NRG3: variants seen among roughly 807,000 people sequenced by gnomAD.
The protein encoded by NRG3 is pro-neuregulin-3, membrane-bound isoform.
Under a neutral mutation model 66.9 loss-of-function variants are expected in NRG3, and 31 were observed. The observed-to-expected ratio is 0.46, with a 90% CI of 0.35 to 0.63. The LOEUF (loss-of-function observed/expected upper bound fraction) is 0.63, where lower values mean the gene tolerates loss of function less well. Among genes scored for constraint, NRG3 ranks in the 20% least tolerant of loss-of-function variants. The pLI, the probability that NRG3 is intolerant of heterozygous loss-of-function variation, is 0.00. For synonymous variants in NRG3, 393 were observed against 359.4 expected, an observed-to-expected ratio of 1.09 and a Z score of -1.06; for missense variants, 910 against 878.9, an observed-to-expected ratio of 1.04 and a Z score of -0.45.
At chr10:82,103,633 A>G (rs1201522627) in intron 1 of NRG3, among the ~76,000 whole-genome samples, 1 of 152,178 alleles carries the variant, frequency 6.6e-6, no homozygotes, top group Admixed American at 6.5e-5. Context: ...TGTTCTACTT[A>G]GCAGTGGCTC....
At chr10:82,958,303 T>C (rs1477251116) in intron 5 of NRG3, among the ~76,000 whole-genome samples, 1 of 152,190 alleles carries the variant, frequency 6.6e-6, no homozygotes, top group Non-Finnish European at 1.5e-5. Context: ...TTAATGGGTA[T>C]AGCATTATGG....
chr10:81,886,286 T>G (rs938245862), intron 1 of NRG3, among the ~76,000 whole-genome samples: 1 of 152,200 alleles, frequency 6.6e-6, no homozygotes, highest in Admixed American at 6.5e-5. Flanking sequence ...CAGGTATTAG[T>G]TATATTAGCT....
At chr10:82,511,790 A>G (rs1368921171) in intron 2 of NRG3, among the ~76,000 whole-genome samples, 2 of 152,022 alleles carry the variant, frequency 1.3e-5, no homozygotes, top group Admixed American at 1.3e-4. Flanking sequence ...AGTGTGATGA[A>G]TAGATCATGT....
At chr10:82,027,204 C>T (rs2062353295) in intron 1 of NRG3, among the ~76,000 whole-genome samples, 1 of 152,038 alleles carries the variant, frequency 6.6e-6, no homozygotes, top group Admixed American at 6.6e-5. Flanking sequence ...TCTCCTTATA[C>T]ACATTTTACA....
At chr10:82,199,950 G>T (rs530048707) in intron 1 of NRG3, among the ~76,000 whole-genome samples, 1 of 150,844 alleles carries the variant, frequency 6.6e-6, no homozygotes, top group African/African-American at 2.4e-5. Context: ...GACTATATTC[G>T]TATCAGAGCA....
intron 4 of NRG3, among the ~76,000 whole-genome samples, chr10:82,900,341 T>A (rs1193486455): frequency 6.6e-6 from 1 of 152,220 alleles, no homozygotes; most frequent in East Asian, 1.9e-4. Flanking sequence ...TACTTTTATT[T>A]TGATAGTGTT....
rs531952230 is a variant in NRG3, at chr10:82,009,461, G to A, written c.823+133298G>A. 1.8e-4 allele frequency among the ~76,000 whole-genome samples: 27 copies of A among 152,298 alleles called. No homozygotes were observed. The South Asian group carries it at 5.6e-3, about 32-fold the overall frequency. The stretch of plus-strand genomic sequence containing the variant: ...AGCATACATACCTAGTCTGTGAACA[G>A]AAGTCTAGGACTCTGGAAAGCACTG... On this transcript the variant is annotated intron_variant, in intron 1 of 8. Transcript: ENST00000372141.
intron 1 of NRG3, among the ~76,000 whole-genome samples, chr10:81,891,032 G>A (rs1214330434): frequency 6.6e-6 from 1 of 152,124 alleles, no homozygotes; most frequent in East Asian, 1.9e-4. Flanking sequence ...AATCACACAT[G>A]CTGCATTTTG....
rs927755736 is a variant in NRG3, at chr10:82,720,825, A to ATATATATATATATT, written c.954-17739_954-17738insTTATATATATATAT. Among the ~76,000 whole-genome samples, 44 of 130,602 alleles carry ATATATATATATATT rather than the reference A, an allele frequency of 3.4e-4. 1 individual carries two copies. The highest frequency in any genetic ancestry group is 1.4e-3 in the African/African-American group (39 of 28,798). 85.7% of individuals were successfully genotyped at this position (130,602 alleles called of 152,430 possible). A position where few individuals can be genotyped will look rare whatever the true frequency, so the allele number is the denominator to read the frequency against. On this transcript the variant is annotated intron_variant, in intron 2 of 8. Coordinates refer to ENST00000372141, the MANE Select transcript of NRG3 (RefSeq NM_001010848.4). ...GTATTTTATACATATATATATATAT[A>ATATATATATATATT]TATATATATATATATATCACCCATC...
chr10:82,141,166 A>G (rs576577216), intron 1 of NRG3, among the ~76,000 whole-genome samples: 4 of 152,280 alleles, frequency 2.6e-5, no homozygotes, highest in Admixed American at 2.6e-4. Context: ...GGTAGACATT[A>G]CTGTATTTCT....
At chr10:82,281,236 G>A (rs1345794890) in intron 1 of NRG3, among the ~76,000 whole-genome samples, 1 of 152,140 alleles carries the variant, frequency 6.6e-6, no homozygotes, top group African/African-American at 2.4e-5. Context: ...CTGGGATGAG[G>A]TATGGTCTTC....
intron 2 of NRG3, among the ~76,000 whole-genome samples, chr10:82,599,187 G>A (rs2047467233): frequency 6.6e-6 from 1 of 152,216 alleles, no homozygotes; most frequent in Non-Finnish European, 1.5e-5. Flanking sequence ...GCTACAGAAG[G>A]AGACAAGGCC....
intron 1 of NRG3, among the ~76,000 whole-genome samples, chr10:82,096,929 C>A (rs1237601266): frequency 6.6e-6 from 1 of 152,096 alleles, no homozygotes; most frequent in Non-Finnish European, 1.5e-5. Context: ...ATTTTCTTTG[C>A]ACAGATTTAA....
rs371962562 is a variant in NRG3 at position 82,964,673 on chromosome 10, G to C, written c.1284+5598G>C. 4.6e-5 allele frequency among the ~76,000 whole-genome samples: 7 copies of C among 152,244 alleles called. No individual in the cohort carries two copies. In the East Asian group the frequency reaches 9.7e-4, roughly 21 times the overall value. ...ATACTCGGGCTCATAAGTCAGAGTG[G>C]CAATAAAGAAAATTTTGTCACAGAC... On this transcript the variant is annotated intron_variant, in intron 6 of 8. Coordinates refer to ENST00000372141, the MANE Select transcript of NRG3 (RefSeq NM_001010848.4).
At chr10:82,420,059 C>T (rs887021391) in intron 2 of NRG3, among the ~76,000 whole-genome samples, 3 of 152,184 alleles carry the variant, frequency 2.0e-5, no homozygotes, top group Non-Finnish European at 4.4e-5. Flanking sequence ...GCCTGCAAAT[C>T]TTTTCTCATT....
At chr10:82,483,831 T>C (rs1842473329) in intron 2 of NRG3, among the ~76,000 whole-genome samples, 2 of 152,174 alleles carry the variant, frequency 1.3e-5, no homozygotes, top group African/African-American at 2.4e-5. Context: ...TGCCTGCTAG[T>C]GTATGGGCAC....
intron 2 of NRG3, among the ~76,000 whole-genome samples, chr10:82,676,166 T>C (rs571190772): frequency 2.0e-4 from 31 of 152,180 alleles, no homozygotes; most frequent in Non-Finnish European, 3.5e-4. Context: ...GGAGTTATTA[T>C]AGGAATCAAC....
At chr10:82,007,354 C>G (rs10748868) in intron 1 of NRG3, among the ~76,000 whole-genome samples, 2 of 151,212 alleles carry the variant, frequency 1.3e-5, no homozygotes, top group African/African-American at 4.9e-5. Flanking sequence ...GGACTACAGG[C>G]GCACGCCACC....
chr10:82,268,543 CT>C (rs2078425145), intron 1 of NRG3, among the ~76,000 whole-genome samples: 2 of 152,056 alleles, frequency 1.3e-5, no homozygotes. Context: ...TAAATCTATC[CT>C]CTTTCTTATA....
Sources: allele counts gnomAD v4.1 joint callset (sites outside exome capture counted in the v4.1 genomes callset), GRCh38; gene constraint gnomAD v4.1.1; transcripts MANE v1.5; gene names NCBI Gene and HGNC (gene_info 2026-07-23, HGNC 2026-07-21).